Variants in AFF2 observed in about 807,000 individuals in gnomAD.
The protein encoded by AFF2 is ALF transcription elongation factor 2, also known as AF4/FMR2 family member 2.
Under a neutral mutation model 76.9 loss-of-function variants are expected in AFF2, and 14 were observed. The ratio of observed to expected loss-of-function variants is 0.18; its 90% CI spans 0.12 to 0.28. The LOEUF (loss-of-function observed/expected upper bound fraction) is 0.28. Ranked by LOEUF, AFF2 falls within the 10% of genes least tolerant of loss-of-function variation. The pLI, the probability that AFF2 is intolerant of heterozygous loss-of-function variation, is 1.00. For synonymous variants in AFF2, 398 were observed against 366.7 expected (o/e 1.09, Z -0.98); for missense variants, 868 against 1,001.1 (o/e 0.87, Z 1.79).
intron 5 of AFF2, among the ~76,000 whole-genome samples, chrX:148,842,667 T>G (rs1414135021): frequency 8.9e-6 from 1 of 112,313 alleles, no homozygotes; most frequent in Non-Finnish European, 1.9e-5. Flanking sequence ...TTTGTTCCCA[T>G]GTTACACACA....
At chrX:148,891,107 A>C (rs2071218328) in intron 8 of AFF2, among the ~76,000 whole-genome samples, 1 of 111,285 alleles carries the variant, frequency 9.0e-6, no homozygotes, top group African/African-American at 3.3e-5. Context: ...CCCATGAAAC[A>C]CTTATTGAAT....
intron 9 of AFF2, among the ~76,000 whole-genome samples, chrX:148,926,410 G>A (rs183448115): frequency 2.1e-4 from 24 of 111,842 alleles, no homozygotes; most frequent in African/African-American, 5.2e-4. Flanking sequence ...GGAAATTCTC[G>A]CACTCCACCT....
intron 3 of AFF2, among the ~76,000 whole-genome samples, chrX:148,692,412 A>G (rs999889237): frequency 3.6e-5 from 4 of 112,212 alleles, no homozygotes; most frequent in Admixed American, 1.9e-4. Flanking sequence ...GACTGGATGT[A>G]TTGGTCAGCA....
intron 5 of AFF2, among the ~76,000 whole-genome samples, chrX:148,841,123 A>C (rs1169233423): frequency 9.0e-6 from 1 of 111,585 alleles, no homozygotes; most frequent in Non-Finnish European, 1.9e-5. Flanking sequence ...CAGGCATAAG[A>C]CCAGTACAAA....
chrX:148,968,324 G>C (rs2065614258), intron 15 of AFF2, among the ~76,000 whole-genome samples: 1 of 111,569 alleles, frequency 9.0e-6, no homozygotes, highest in Admixed American at 9.5e-5. Context: ...GCTCCTAACA[G>C]TGGGTCTCAA....
intron 4 of AFF2, among the ~76,000 whole-genome samples, chrX:148,837,076 C>G (rs1224907723): frequency 8.9e-6 from 1 of 111,736 alleles, no homozygotes; most frequent in Non-Finnish European, 1.9e-5. Flanking sequence ...CAGTACTGTC[C>G]TCCCTTGAGC....
intron 7 of AFF2, among the ~76,000 whole-genome samples, chrX:148,874,730 GA>G (rs1337068361): frequency 2.9e-4 from 32 of 111,658 alleles, no homozygotes; most frequent in East Asian, 1.1e-3. Flanking sequence ...CCCTTTTCTT[GA>G]GAATCCTCCT....
chrX:148,987,330 A>G, intron 19 of AFF2, 37 bp from the exon 20 acceptor site: 1 of 1,158,041 alleles, frequency 8.6e-7, no homozygotes, highest in Non-Finnish European at 1.2e-6. Flanking sequence ...ACTCTTTCCT[A>G]CCAGCCTAAC....
intron 1 of AFF2, among the ~76,000 whole-genome samples, chrX:148,638,982 T>C (rs900977038): frequency 3.6e-5 from 4 of 110,921 alleles, no homozygotes; most frequent in African/African-American, 9.9e-5. Flanking sequence ...GAGCAGGGGG[T>C]GGTATAGAAG....
Position 148,613,240 on chromosome X carries a change from G to A in AFF2, c.48-38759G>A, listed in dbSNP as rs1380016613. 3.6e-5 allele frequency among the ~76,000 whole-genome samples: 4 copies of A among 112,097 alleles called. No homozygotes were observed. The Admixed American group carries it at 3.8e-4, about 11-fold the overall frequency. On this transcript the variant is annotated intron_variant, in intron 1 of 20. Coordinates refer to ENST00000370460, the MANE Select transcript of AFF2 (RefSeq NM_002025.4). ...TGCTGGCAATTAGCCAATTGCAGGT[G>A]CAAAATCTTGATGGCATCCACAGGG...
intron 3 of AFF2, among the ~76,000 whole-genome samples, chrX:148,670,350 C>A (rs2054408012): frequency 9.0e-6 from 1 of 111,488 alleles, no homozygotes; most frequent in African/African-American, 3.3e-5. Flanking sequence ...TTGTTTTGAA[C>A]TTGGCCTTTA....
Position 148,987,409 on chromosome X carries a change from C to T in AFF2, c.3666C>T (p.Ile1222=). The T allele has an allele frequency of 8.3e-7, 1 of 1,210,849 alleles. No individual in the cohort carries two copies. Among genetic ancestry groups the T allele is most frequent in the Admixed American group, 2.2e-5 (1 of 46,005 alleles). Residue 1222 remains isoleucine (I), a synonymous_variant, in exon 20 of 21, where the codon ATC becomes ATT. Coordinates refer to ENST00000370460, the MANE Select transcript of AFF2 (RefSeq NM_002025.4). ...TGTCTCTCAACAACGTCTCCCCCAT[C>T]AACGCAATGGGGAACTGTAACAATG... The part of the protein sequence containing the change: ...SPVSLNNVSP[I]NAMGNCNNGP...
intron 9 of AFF2, among the ~76,000 whole-genome samples, chrX:148,911,958 T>G (rs2124232252): frequency 8.9e-6 from 1 of 112,199 alleles, no homozygotes; most frequent in African/African-American, 3.2e-5. Flanking sequence ...GCAGCACTAT[T>G]GACAATAGCA....
chrX:148,897,678 A>G (rs1434763522), intron 8 of AFF2, among the ~76,000 whole-genome samples: 2 of 110,117 alleles, frequency 1.8e-5, no homozygotes, highest in Non-Finnish European at 3.8e-5. Flanking sequence ...CTGGTTATGA[A>G]TGGTAGGGAG....
intron 7 of AFF2, among the ~76,000 whole-genome samples, chrX:148,857,292 T>C (rs1395631876): frequency 1.8e-5 from 2 of 111,799 alleles, no homozygotes; most frequent in African/African-American, 6.5e-5. Context: ...ATGCACTGTT[T>C]AAAAATATTT....
In AFF2 at chrX:148,509,313, G is replaced by T. The variant is rs368594317; in HGVS notation, c.47+8169G>T. On this transcript the variant is annotated intron_variant, in intron 1 of 20. Coordinates refer to ENST00000370460, the MANE Select transcript of AFF2 (RefSeq NM_002025.4). Reference sequence around the variant, plus strand: ...CACTTCAGAGTGAAATGGAAATCCAGAAATTTTTATTGTTTAGGGGACCCG... The same window carrying T: ...CACTTCAGAGTGAAATGGAAATCCATAAATTTTTATTGTTTAGGGGACCCG... Among the ~76,000 whole-genome samples, 27 of 111,798 alleles carry T rather than the reference G, an allele frequency of 2.4e-4. No homozygotes were observed. In the East Asian group the frequency reaches 2.8e-3, roughly 12 times the overall value.
At chrX:148,837,373 T>A (rs1557273912) in intron 4 of AFF2, among the ~76,000 whole-genome samples, 2 of 111,565 alleles carry the variant, frequency 1.8e-5, no homozygotes, top group Non-Finnish European at 1.9e-5. Context: ...AAGTAGAAGT[T>A]CCTGGGGGAC....
intron 1 of AFF2, among the ~76,000 whole-genome samples, chrX:148,522,611 C>T (rs782787952): frequency 7.2e-5 from 8 of 111,713 alleles, no homozygotes; most frequent in East Asian, 2.8e-4. Context: ...AAATGCTCAT[C>T]GGGTCTTTGC....
At chrX:148,946,275 A>G (rs2124335226) in intron 9 of AFF2, among the ~76,000 whole-genome samples, 1 of 112,375 alleles carries the variant, frequency 8.9e-6, no homozygotes, top group South Asian at 3.7e-4. Flanking sequence ...TTTTACTCAG[A>G]GATCTGCTTC....
Sources: allele counts gnomAD v4.1 joint callset (sites outside exome capture counted in the v4.1 genomes callset), GRCh38; gene constraint gnomAD v4.1.1; transcripts MANE v1.5; gene names NCBI Gene and HGNC (gene_info 2026-07-23, HGNC 2026-07-21).